NPAS2: variants seen among roughly 807,000 people sequenced by gnomAD.
NPAS2 encodes the protein neuronal PAS domain-containing protein 2.
In NPAS2, 23 loss-of-function variants were observed where a neutral mutation model predicts 107.5. The observed-to-expected ratio is 0.21, with a 90% CI of 0.15 to 0.30. The LOEUF (loss-of-function observed/expected upper bound fraction) is 0.30, where lower values mean the gene tolerates loss of function less well. Ranked by LOEUF, NPAS2 falls within the 10% of genes least tolerant of loss-of-function variation. The pLI is 1.00. For synonymous variants in NPAS2, 403 were observed against 417.5 expected, an observed-to-expected ratio of 0.97 and a Z score of 0.42; for missense variants, 756 against 1,043.3, an observed-to-expected ratio of 0.72 and a Z score of 3.79.
intron 1 of NPAS2, among the ~76,000 whole-genome samples, chr2:100,849,109 C>T (rs1353916012): frequency 6.6e-6 from 1 of 152,232 alleles, no homozygotes. Context: ...GGTTGCCTTT[C>T]TCAAAGGCTG....
At chr2:100,872,786 ACT>A (rs1394720826) in intron 1 of NPAS2, among the ~76,000 whole-genome samples, 2 of 151,970 alleles carry the variant, frequency 1.3e-5, no homozygotes, top group Non-Finnish European at 2.9e-5. Context: ...TTGTCTGCTA[ACT>A]CTGTTTACCA....
At chr2:100,960,866 A>G (rs1675876928) in intron 7 of NPAS2, among the ~76,000 whole-genome samples, 2 of 152,174 alleles carry the variant, frequency 1.3e-5, no homozygotes, top group South Asian at 4.1e-4. Flanking sequence ...CATCTGATAA[A>G]CACATGTTGA....
At chr2:100,977,051 AAC>A (rs1677063388) in intron 14 of NPAS2, 1 of 151,230 alleles carries the variant, frequency 6.6e-6, no homozygotes, top group South Asian at 2.1e-4. Context: ...AAAAAAAAAA[AAC>A]CACTAGAAAA....
intron 2 of NPAS2, among the ~76,000 whole-genome samples, chr2:100,924,143 C>G (rs1425450028): frequency 2.0e-5 from 3 of 152,162 alleles, no homozygotes; most frequent in Admixed American, 2.0e-4. Flanking sequence ...ACAGAGCGTT[C>G]CCATATCCCC....
At chr2:100,983,537 TAAAGA>T (rs1255628412) in intron 16 of NPAS2, 3 of 152,346 alleles carry the variant, frequency 2.0e-5, no homozygotes. Flanking sequence ...CTGCTCACCT[TAAAGA>T]GAAGAGCCCC....
chr2:100,946,124 C>T (rs558829136), intron 5 of NPAS2, among the ~76,000 whole-genome samples: 7 of 152,324 alleles, frequency 4.6e-5, no homozygotes, highest in African/African-American at 1.2e-4. Context: ...AGTGCCTAAT[C>T]GCACTTGGCA....
At position 100,977,703 on chromosome 2, in the gene NPAS2, C is replaced by A; in HGVS notation, c.1393-7C>A. The A allele has an allele frequency of 6.2e-7, 1 of 1,613,330 alleles. No homozygotes were observed. The highest frequency in any genetic ancestry group is 1.3e-5 in the African/African-American group (1 of 75,052). ...CAGTGGTAACAAAGCCCCTTTCTCT[C>A]CCACAGGCCCCTCTGCCTTCCCCAT... On this transcript the variant is annotated splice_region_variant and splice_polypyrimidine_tract_variant and intron_variant, in intron 14 of 20. Transcript: ENST00000335681.
At chr2:100,878,245 T>TA (rs1680111239) in intron 1 of NPAS2, 2 of 985,154 alleles carry the variant, frequency 2.0e-6, no homozygotes, top group African/African-American at 3.5e-5. Flanking sequence ...CAAAAAAATA[T>TA]AGAGGACTGT....
At chr2:100,961,596 A>C (rs1675917195) in intron 7 of NPAS2, among the ~76,000 whole-genome samples, 1 of 152,092 alleles carries the variant, frequency 6.6e-6, no homozygotes, top group Non-Finnish European at 1.5e-5. Context: ...TAGATGCTAT[A>C]AAAGGGCAGA....
intron 1 of NPAS2, among the ~76,000 whole-genome samples, chr2:100,899,691 A>C (rs1178184874): frequency 1.3e-5 from 2 of 152,230 alleles, no homozygotes; most frequent in East Asian, 1.9e-4. Flanking sequence ...TTTTTTAATA[A>C]GTTTATCTTA....
intron 1 of NPAS2, among the ~76,000 whole-genome samples, chr2:100,904,169 G>T (rs950406633): frequency 6.6e-6 from 1 of 152,038 alleles, no homozygotes; most frequent in African/African-American, 2.4e-5. Flanking sequence ...CTCTCCTTTA[G>T]GATGTCATAG....
chr2:100,819,092 G>A (rs1369467742), upstream of NPAS2, among the ~76,000 whole-genome samples: 1 of 151,796 alleles, frequency 6.6e-6, no homozygotes, highest in Non-Finnish European at 1.5e-5. This position sits in a 1 kb window ranked among gnomAD's most constrained non-coding sequence, Gnocchi z 5.8. Flanking sequence ...TGTTTCTCGC[G>A]CGCGCCTCTC....
chr2:100,969,166 A>C (rs1676401355), intron 11 of NPAS2, among the ~76,000 whole-genome samples: 2 of 151,398 alleles, frequency 1.3e-5, no homozygotes, highest in Admixed American at 6.6e-5. Context: ...TTGGAAGGAC[A>C]GCATGCCTTT....
intron 2 of NPAS2, among the ~76,000 whole-genome samples, chr2:100,922,777 G>A (rs1683314794): frequency 6.6e-6 from 1 of 152,154 alleles, no homozygotes; most frequent in Non-Finnish European, 1.5e-5. Context: ...GTTTCCAGTG[G>A]ACACCACAGT....
chr2:100,970,899 G>C, intron 11 of NPAS2, 91 bp from the exon 12 acceptor site: 2 of 1,130,700 alleles, frequency 1.8e-6, no homozygotes, highest in Non-Finnish European at 2.6e-6. Flanking sequence ...GTTACGTAGA[G>C]AACCTCGATG....
intron 1 of NPAS2, among the ~76,000 whole-genome samples, chr2:100,861,151 G>C (rs1475357582): frequency 1.3e-5 from 2 of 152,038 alleles, no homozygotes; most frequent in Non-Finnish European, 2.9e-5. Context: ...ATAGCTGTGA[G>C]CCACCATGCC....
intron 1 of NPAS2, among the ~76,000 whole-genome samples, chr2:100,825,684 C>T (rs889084059): frequency 7.2e-5 from 11 of 152,132 alleles, no homozygotes; most frequent in Admixed American, 2.0e-4. Context: ...GGTGAGCATG[C>T]GGACCCTGTT....
chr2:100,873,307 T>TATACACACACACAC lies in NPAS2; in HGVS notation c.-22-31425_-22-31424insTACACACACACACA, dbSNP rs1280164445. ...ATATATATATATATATATATATATA[T>TATACACACACACAC]ACACACACACACACACACACACACA... On this transcript the variant is annotated intron_variant, in intron 1 of 20. Coordinates refer to ENST00000335681, the MANE Select transcript of NPAS2 (RefSeq NM_002518.4). 1.7e-4 allele frequency among the ~76,000 whole-genome samples: 7 copies of TATACACACACACAC among 41,898 alleles called. No homozygotes were observed. The East Asian group carries it at 3.0e-3, about 18-fold the overall frequency. 27.5% of individuals were successfully genotyped at this position (41,898 alleles called of 152,430 possible). A position where few individuals can be genotyped will look rare whatever the true frequency, so the allele number is the denominator to read the frequency against.
At position 100,971,070 on chromosome 2, in the gene NPAS2, T is replaced by G; in HGVS notation, c.1136T>G (p.Leu379Arg). 6.2e-7 allele frequency: 1 copy of G among 1,613,978 alleles called. No homozygotes were observed. The highest frequency in any genetic ancestry group is 1.1e-5 in the South Asian group (1 of 91,060). ...TCCGAGGCCCTCCACTCCTCAGCAC[T>G]AAAGGTACGCCCATCCCTGCCAGAT... ...PPSEALHSSALKDKGSSLEPR... is the reference protein window; with the variant it reads ...PPSEALHSSARKDKGSSLEPR... The change falls in exon 12 of 21, where the codon CTA becomes CGA. Residue 379 changes from leucine (L) to arginine (R), a missense_variant. Physicochemically the swap from Leu to Arg is moderately radical, Grantham distance 102. This residue lies in a region of NPAS2 where 496 missense variants were observed against 594.4 expected (regional missense o/e 0.83). Coordinates refer to ENST00000335681, the MANE Select transcript of NPAS2 (RefSeq NM_002518.4).
Sources: allele counts gnomAD v4.1 joint callset (sites outside exome capture counted in the v4.1 genomes callset), GRCh38; gene constraint gnomAD v4.1.1; regional missense constraint gnomAD v4.1.1; non-coding constraint Gnocchi (gnomAD v3.1); transcripts MANE v1.5; gene names NCBI Gene and HGNC (gene_info 2026-07-23, HGNC 2026-07-21).